ERBB3: variants seen among roughly 807,000 people sequenced by gnomAD.
ERBB3 encodes erb-b2 receptor tyrosine kinase 3, also known as receptor tyrosine-protein kinase erbB-3.
A neutral mutation model predicts 156.7 loss-of-function variants in ERBB3; 96 were observed. That is an observed-to-expected ratio of 0.61 (90% CI 0.52 to 0.73). ERBB3 has a LOEUF of 0.73. Among genes scored for constraint, ERBB3 ranks in the 30% least tolerant of loss-of-function variants. ERBB3 has a pLI of 0.00. For synonymous variants in ERBB3, 567 were observed against 632.0 expected, an observed-to-expected ratio of 0.90 and a Z score of 1.54; for missense variants, 1,406 against 1,709.4, an observed-to-expected ratio of 0.82 and a Z score of 3.13.
At chr12:56,096,393 C>T in intron 17 of ERBB3, 110 bp from the exon 18 acceptor site, 8 of 1,392,612 alleles carry the variant, frequency 5.7e-6, no homozygotes, top group East Asian at 4.6e-5. Context: ...GGTGCTTCCT[C>T]TTCCTGCCCT....
chr12:56,092,107 A>T (rs1258408584), intron 9 of ERBB3, among the ~76,000 whole-genome samples: 1 of 150,064 alleles, frequency 6.7e-6, no homozygotes, highest in Admixed American at 6.7e-5. Flanking sequence ...AAAAAAAAAA[A>T]GGCCAGGTGC....
intron 11 of ERBB3, 93 bp downstream of exon 11, chr12:56,093,169 A>G: frequency 5.1e-6 from 6 of 1,180,650 alleles, no homozygotes; most frequent in East Asian, 2.3e-5. Flanking sequence ...TGTCTCATAC[A>G]GCAGTGCCTC....
intron 17 of ERBB3, 144 bp downstream of exon 17, chr12:56,095,950 A>G: frequency 1.2e-6 from 1 of 858,616 alleles, no homozygotes; most frequent in Admixed American, 2.1e-5. Context: ...TTCCCCAGAG[A>G]TTTGATCCCT....
Position 56,087,583 on chromosome 12 carries a change from C to G in ERBB3, c.554C>G (p.Pro185Arg), listed in dbSNP as rs779368926. ...VVKDNGRSCP[P>R]CHEVCKGRCW... ...TGCCTTCCTTCCCAACCAGGTCCCC[C>G]CTGTCATGAGGTTTGCAAGGGGCGA... Residue 185 changes from proline (P) to arginine (R), a missense_variant, in exon 5 of 28, where the codon CCC becomes CGC. Pro to Arg is a moderately radical substitution (Grantham distance 103). Coordinates refer to ENST00000267101, the MANE Select transcript of ERBB3 (RefSeq NM_001982.4). The G allele has an allele frequency of 3.7e-6, 6 of 1,614,104 alleles. No individual in the cohort carries two copies. The highest frequency in any genetic ancestry group is 2.2e-5 in the East Asian group (1 of 44,886).
chr12:56,081,866 G>C (rs1211108322), intron 1 of ERBB3, among the ~76,000 whole-genome samples: 2 of 152,108 alleles, frequency 1.3e-5, no homozygotes, highest in Non-Finnish European at 2.9e-5. Flanking sequence ...CTCTACCAAA[G>C]GAGGGCCTGT....
chr12:56,089,330 A>G (rs565461245), intron 9 of ERBB3, among the ~76,000 whole-genome samples: 9 of 152,212 alleles, frequency 5.9e-5, no homozygotes, highest in African/African-American at 2.2e-4. Context: ...TATGTTGCCC[A>G]GGCTGATCTC....
At chr12:56,082,065 G>T (rs966972216) in intron 1 of ERBB3, among the ~76,000 whole-genome samples, 2 of 152,228 alleles carry the variant, frequency 1.3e-5, no homozygotes, top group African/African-American at 4.8e-5. Context: ...AGGGAACTGG[G>T]CTACCTCTAA....
chr12:56,098,411 CAA>C (rs375692480), intron 21 of ERBB3, 87 bp from the exon 22 acceptor site: 12,045 of 777,978 alleles, frequency 0.015, no homozygotes, highest in Middle Eastern at 0.021. Flanking sequence ...GACTCCGTCT[CAA>C]AAAAAAAAAA....
intron 3 of ERBB3, 121 bp from the exon 4 acceptor site, chr12:56,086,410 C>A: frequency 8.4e-7 from 1 of 1,194,424 alleles, no homozygotes; most frequent in Non-Finnish European, 1.2e-6. Flanking sequence ...TTTAATTGGA[C>A]CTATCTGTCT....
At chr12:56,098,955 C>CTTTTTTTTTTTTTTTTTTTTTTTTTTT in intron 23 of ERBB3, 50 bp downstream of exon 23, 1 of 1,270,882 alleles carries the variant, frequency 7.9e-7, no homozygotes, top group African/African-American at 1.6e-5. Flanking sequence ...CTTTTTTTTT[C>CTTTTTTTTTTTTTTTTTTTTTTTTTTT]TTTTTTTTTT....
Position 56,099,897 on chromosome 12 carries a change from G to A in ERBB3, c.2997G>A (p.Lys999=), listed in dbSNP as rs2136825646. The change falls in exon 25 of 28, where the codon AAG becomes AAA. Residue 999 remains lysine, a synonymous_variant. Transcript: ENST00000267101. ...GPEPHGLTNK[K]LEEVELEPEL... Reference sequence around the variant, plus strand: ...AGCCCCATGGTCTGACAAACAAGAAGCTAGAGGAAGTAGAGCTGGAGCCAG... The same window carrying A: ...AGCCCCATGGTCTGACAAACAAGAAACTAGAGGAAGTAGAGCTGGAGCCAG... 1 of 1,614,240 alleles carries A rather than the reference G, an allele frequency of 6.2e-7. No individual in the cohort carries two copies. Among genetic ancestry groups the A allele is most frequent in the Non-Finnish European group, 8.5e-7 (1 of 1,180,052 alleles).
chr12:56,085,277 T>C, intron 3 of ERBB3, 96 bp downstream of exon 3: 1 of 1,601,318 alleles, frequency 6.2e-7, no homozygotes. Flanking sequence ...TCTAAGTGCC[T>C]CTTCCAAGGT....
At chr12:56,093,254 C>A in intron 11 of ERBB3, 91 bp from the exon 12 acceptor site, 4 of 1,295,566 alleles carry the variant, frequency 3.1e-6, no homozygotes, top group Non-Finnish European at 4.5e-6. Flanking sequence ...ATCTGACTAG[C>A]ACTGAGCAAA....
intron 7 of ERBB3, 78 bp downstream of exon 7, chr12:56,088,240 G>C: frequency 4.7e-6 from 7 of 1,499,480 alleles, no homozygotes; most frequent in Non-Finnish European, 6.5e-6. Flanking sequence ...AAGGGAAAAA[G>C]AATCCAGTTG....
chr12:56,097,298 G>A lies in ERBB3; in HGVS notation c.2460+68G>A, dbSNP rs529864676. 13 of 1,512,522 alleles carry A rather than the reference G, an allele frequency of 8.6e-6. No individual in the cohort carries two copies. In the South Asian group the frequency reaches 1.3e-4, roughly 15 times the overall value. 93.7% of individuals were successfully genotyped at this position (1,512,522 alleles called of 1,614,324 possible). A position where few individuals can be genotyped will look rare whatever the true frequency, so the allele number is the denominator to read the frequency against. ...CTGGGGGCCAGCCAGGAAAAAGTGA[G>A]AAGGTTGAAGTTCTGAGAGGTGAGG... is the stretch of plus-strand genomic sequence containing the variant. On this transcript the variant is annotated intron_variant, in intron 20 of 27. Transcript: ENST00000267101.
Position 56,101,826 on chromosome 12 carries a change from G to C in ERBB3, c.3800G>C (p.Arg1267Pro). The C allele has an allele frequency of 6.2e-7, 1 of 1,613,252 alleles. No homozygotes were observed. Among genetic ancestry groups the C allele is most frequent in the African/African-American group, 1.3e-5 (1 of 74,670 alleles). The stretch of plus-strand genomic sequence containing the variant: ...GACTATGAATATATGAATCGGCAAC[G>C]AGATGGAGGTGGTCCTGGGGGTGAT... ...DEDYEYMNRQ[R>P]DGGGPGGDYA... The change falls in exon 28 of 28, where the codon CGA (arginine) becomes CCA (proline). Residue 1267 changes from arginine (R) to proline (P), a missense_variant. This residue lies in a region of ERBB3 where 415 missense variants were observed against 454.1 expected (regional missense o/e 0.91). Transcript: ENST00000267101.
At chr12:56,083,687 G>A (rs201081850) in intron 1 of ERBB3, 64 bp from the exon 2 acceptor site, 321 of 1,592,724 alleles carry the variant, frequency 2.0e-4, no homozygotes, top group Non-Finnish European at 2.5e-4. Flanking sequence ...TGATCTTTGG[G>A]GATGGCAGAT....
chr12:56,097,989 G>C, intron 21 of ERBB3, 49 bp downstream of exon 21: 1 of 1,594,446 alleles, frequency 6.3e-7, no homozygotes, highest in African/African-American at 1.3e-5. Flanking sequence ...GAAGCATGGG[G>C]ATAGGGAGCA....
chr12:56,080,109 CA>C (rs758493433), upstream of ERBB3: 25 of 632,374 alleles, frequency 4.0e-5, no homozygotes, highest in Non-Finnish European at 4.3e-5. Context: ...CTCTCTCTCA[CA>C]CACACACACC....
Sources: gnomAD v4.1 joint callset for allele counts (sites outside exome capture counted in the v4.1 genomes callset) on GRCh38, gnomAD v4.1.1 for gene constraint, gnomAD v4.1.1 regional missense constraint, MANE v1.5 for transcripts, NCBI Gene and HGNC (gene_info 2026-07-23, HGNC 2026-07-21) for gene names.